Variants in ABCA13 observed in about 807,000 individuals in gnomAD.
ABCA13 encodes the protein ATP-binding cassette sub-family A member 13.
A neutral mutation model predicts 478.7 loss-of-function variants in ABCA13; 476 were observed. The ratio of observed to expected loss-of-function variants is 0.99; its 90% CI spans 0.92 to 1.07. The LOEUF is 1.07. Ranked by LOEUF, ABCA13 falls within the 50% of genes least tolerant of loss-of-function variation. The probability of loss-of-function intolerance (pLI) is 0.00; values close to 1 mark genes in which losing one functional copy is unlikely to be tolerated. For missense variants in ABCA13, 6,060 were observed against 5,910.6 expected (o/e 1.03, Z -0.83); for synonymous variants, 2,252 against 2,158.9 (o/e 1.04, Z -1.20).
intron 55 of ABCA13, among the ~76,000 whole-genome samples, chr7:48,548,568 C>A (rs73109362): frequency 0.14 from 21,035 of 148,640 alleles, 2,029 homozygotes; most frequent in African/African-American, 0.23. Flanking sequence ...TTTTTGTCCA[C>A]AGATTGTTAA....
At chr7:48,233,802 C>T (rs775998811) in intron 7 of ABCA13, among the ~76,000 whole-genome samples, 2 of 152,176 alleles carry the variant, frequency 1.3e-5, no homozygotes, top group Non-Finnish European at 2.9e-5. Flanking sequence ...GGAAATGTTG[C>T]AACCATTTGT....
intron 59 of ABCA13, among the ~76,000 whole-genome samples, chr7:48,630,408 T>A (rs1794069172): frequency 6.6e-6 from 1 of 152,188 alleles, no homozygotes; most frequent in African/African-American, 2.4e-5. Flanking sequence ...TGTGAACATG[T>A]GGTATGTGGT....
chr7:48,235,983 T>A (rs572304742), intron 8 of ABCA13, among the ~76,000 whole-genome samples: 1 of 152,172 alleles, frequency 6.6e-6, no homozygotes, highest in South Asian at 2.1e-4. Context: ...TAGGTTAAGT[T>A]TGGTTATGTT....
chr7:48,219,657 C>A (rs1165659359), intron 4 of ABCA13, among the ~76,000 whole-genome samples, 152 bp downstream of exon 4: 1 of 152,126 alleles, frequency 6.6e-6, no homozygotes, highest in Non-Finnish European at 1.5e-5. Context: ...CCAGCACCTG[C>A]AGACGGTTGT....
At chr7:48,188,460 TCA>T (rs941876020) in intron 1 of ABCA13, among the ~76,000 whole-genome samples, 92 of 152,314 alleles carry the variant, frequency 6.0e-4, no homozygotes, top group Middle Eastern at 3.4e-3. Context: ...TTGGGGATAG[TCA>T]CCAGGATTAT....
chr7:48,580,536 A>G (rs140004614), intron 56 of ABCA13, among the ~76,000 whole-genome samples, 162 bp downstream of exon 56: 1 of 152,348 alleles, frequency 6.6e-6, no homozygotes, highest in East Asian at 1.9e-4. Context: ...ACTGAAGAAA[A>G]CATTAAATAT....
intron 55 of ABCA13, among the ~76,000 whole-genome samples, chr7:48,537,539 C>T (rs1833668440): frequency 6.6e-6 from 1 of 152,118 alleles, no homozygotes; most frequent in Admixed American, 6.6e-5. Flanking sequence ...ACGCAGGTAG[C>T]CCCTACTGCT....
intron 1 of ABCA13, among the ~76,000 whole-genome samples, chr7:48,181,558 T>A (rs575497236): frequency 8.3e-5 from 11 of 132,050 alleles, no homozygotes; most frequent in East Asian, 3.2e-4. Context: ...ATGTTTTATC[T>A]TTTTTTTTTT....
intron 3 of ABCA13, among the ~76,000 whole-genome samples, chr7:48,211,754 C>G (rs972451546): frequency 1.3e-5 from 2 of 151,984 alleles, no homozygotes; most frequent in Admixed American, 6.5e-5. Context: ...TCTAGAAATG[C>G]CATTGGGAAG....
chr7:48,298,233 T>C (rs761424119), intron 22 of ABCA13, 133 bp from the exon 23 acceptor site: 26 of 799,368 alleles, frequency 3.3e-5, no homozygotes, highest in Non-Finnish European at 4.7e-5. Flanking sequence ...GGTATGACTT[T>C]ATTTAGTGAT....
Position 48,390,109 on chromosome 7 carries a change from G to T in ABCA13, c.11654+889G>T, listed in dbSNP as rs979876341. On this transcript the variant is annotated intron_variant, in intron 37 of 61. Transcript: ENST00000435803. ...TTTGAAAATTGGGAAACCACAAGTT[G>T]CACAAATAATGACTCAGCCAGCCAG... Among the ~76,000 whole-genome samples the T allele has an allele frequency of 5.3e-5, 8 of 152,272 alleles. No homozygotes were observed. In the East Asian group the frequency reaches 1.5e-3, roughly 29 times the overall value.
Position 48,273,946 on chromosome 7 carries a change from T to C in ABCA13, c.4280T>C (p.Ile1427Thr), listed in dbSNP as rs1307045584. ...LQNILGNFRDIENKMNSILKI... is the reference protein window; with the variant it reads ...LQNILGNFRDTENKMNSILKI... ...AATATTTTGGGGAATTTCAGAGATA[T>C]AGAAAACAAAATGAACTCTATATTA... The change falls in exon 17 of 62, where the codon ATA becomes ACA. Residue 1427 changes from isoleucine (I) to threonine (T), a missense_variant. Around this residue, in one of 3 missense-constraint regions of ABCA13, gnomAD observed 4,423 missense variants for 4,309.1 expected, o/e 1.03. Transcript: ENST00000435803. 3 of 1,611,838 alleles carry C rather than the reference T, an allele frequency of 1.9e-6. No individual in the cohort carries two copies. Among genetic ancestry groups the C allele is most frequent in the Non-Finnish European group, 2.5e-6 (3 of 1,178,690 alleles).
chr7:48,363,624 T>C (rs1258827418), intron 31 of ABCA13, among the ~76,000 whole-genome samples: 1 of 152,198 alleles, frequency 6.6e-6, no homozygotes, highest in African/African-American at 2.4e-5. Context: ...TAAAAAACTC[T>C]ATTCCTGTTT....
chr7:48,313,053 G>C lies in ABCA13; in HGVS notation c.9517-14G>C, dbSNP rs1056352194. 6.5e-7 allele frequency: 1 copy of C among 1,532,700 alleles called. No individual in the cohort carries two copies. The highest frequency in any genetic ancestry group is 1.4e-5 in the African/African-American group (1 of 71,644). The allele number at this position is 1,532,700 out of a possible 1,614,324, so 94.9% of individuals were successfully genotyped here. ...GGTTATTTCATGTTGTTTTGTTTTT[G>C]TTTTGTCCTTTAGACTCTGATGCCT... On this transcript the variant is annotated splice_polypyrimidine_tract_variant and intron_variant, in intron 24 of 61. Transcript: ENST00000435803.
intron 8 of ABCA13, 126 bp downstream of exon 8, chr7:48,234,277 A>C (rs1584352290): frequency 7.8e-7 from 1 of 1,282,356 alleles, no homozygotes; most frequent in Non-Finnish European, 1.1e-6. Context: ...TTCGGTCAAA[A>C]CCCGAGCTCC....
At position 48,297,311 on chromosome 7, in the gene ABCA13, GGTAA is replaced by G; in HGVS notation, c.9199+4_9199+7del. 6.2e-7 allele frequency: 1 copy of G among 1,603,802 alleles called. No homozygotes were observed. The highest frequency in any genetic ancestry group is 8.5e-7 in the Non-Finnish European group (1 of 1,174,908). ...TCTCAGCAATTTCACAGTAACTGAG[GGTAA>G]GTATGTGGTTTTCCAAGTTTGCTTG... is the stretch of plus-strand genomic sequence containing the variant. On this transcript the variant is annotated splice_donor_variant and splice_donor_region_variant and intron_variant, in intron 22 of 61. Transcript: ENST00000435803. LOFTEE classifies it high-confidence loss of function.
intron 59 of ABCA13, among the ~76,000 whole-genome samples, chr7:48,639,254 G>A (rs541491622): frequency 2.0e-4 from 30 of 152,252 alleles, no homozygotes; most frequent in African/African-American, 6.0e-4. Flanking sequence ...TTTGCATCCC[G>A]CTGTTTGCTC....
At chr7:48,269,187 T>C in intron 16 of ABCA13, 93 bp downstream of exon 16, 1 of 683,780 alleles carries the variant, frequency 1.5e-6, no homozygotes, top group Non-Finnish European at 2.5e-6. Flanking sequence ...CTTTAAAATT[T>C]ATGAGCCTGA....
intron 42 of ABCA13, among the ~76,000 whole-genome samples, chr7:48,436,402 T>C (rs1054957814): frequency 1.3e-5 from 2 of 151,756 alleles, no homozygotes. Context: ...TTGAACCTTC[T>C]TTCTTTTTTT....
Sources: gnomAD v4.1 joint callset for allele counts (sites outside exome capture counted in the v4.1 genomes callset) on GRCh38, gnomAD v4.1.1 for gene constraint, gnomAD v4.1.1 regional missense constraint, MANE v1.5 for transcripts, NCBI Gene and HGNC (gene_info 2026-07-23, HGNC 2026-07-21) for gene names.